The following NEU4 variants were observed in gnomAD, a reference collection of about 807,000 sequenced individuals.
NEU4 encodes the protein sialidase-4.
Under a neutral mutation model 9.9 loss-of-function variants are expected in NEU4, and 7 were observed. That is an observed-to-expected ratio of 0.71 (90% CI 0.40 to 1.33). NEU4 has a LOEUF of 1.33. Among genes scored for constraint, NEU4 ranks in the 40% most tolerant of loss-of-function variants. NEU4 has a pLI of 0.01. For synonymous variants in NEU4, 348 were observed against 316.9 expected, an observed-to-expected ratio of 1.10 and a Z score of -1.04; for missense variants, 717 against 712.6, an observed-to-expected ratio of 1.01 and a Z score of -0.07.
At chr2:241,813,068 G>A (rs1366525454) in intron 1 of NEU4, among the ~76,000 whole-genome samples, 2 of 152,200 alleles carry the variant, frequency 1.3e-5, no homozygotes, top group Non-Finnish European at 1.5e-5. Context: ...GGAAGGGGCC[G>A]GCCAGCTGTC....
chr2:241,815,709 G>A (rs1467520930), intron 3 of NEU4: 7 of 528,496 alleles, frequency 1.3e-5, no homozygotes, highest in African/African-American at 7.6e-5. Flanking sequence ...ACCCCGGCCC[G>A]TGGGAGCTAC....
chr2:241,811,130 C>A (rs147823091), intron 1 of NEU4: 1 of 1,212,614 alleles, frequency 8.2e-7, no homozygotes, highest in Non-Finnish European at 1.0e-6. Flanking sequence ...AGGTCAACTG[C>A]GGCCTCACAG....
At position 241,814,675 on chromosome 2, in the gene NEU4, G is replaced by A. The variant is rs555920943; in HGVS notation, c.191G>A (p.Gly64Asp). ...CTGAGGAGGGGCACGCTGGCCGGGG[G>A]CTCCGTGCGGGTGAGTGAGTGGCCG... is the stretch of plus-strand genomic sequence containing the variant. ...LVLRRGTLAG[G>D]SVRWGALHVL... The change falls in exon 2 of 4, where the codon GGC (glycine) becomes GAC (aspartate). Residue 64 changes from glycine to aspartate, a missense_variant. Gly to Asp is a moderately conservative substitution (Grantham distance 94). Transcript: ENST00000407683. 7.1e-6 allele frequency: 11 copies of A among 1,552,626 alleles called. No homozygotes were observed. Among genetic ancestry groups the A allele is most frequent in the African/African-American group, 1.4e-5 (1 of 73,588 alleles).
chr2:241,812,290 T>C (rs1003063548), intron 1 of NEU4, among the ~76,000 whole-genome samples: 6 of 151,866 alleles, frequency 4.0e-5, no homozygotes, highest in Non-Finnish European at 8.8e-5. Context: ...GAAGGCCAGG[T>C]TCTCCTGGAG....
chr2:241,816,842 A>G lies in NEU4; in HGVS notation c.1249A>G (p.Ser417Gly). 1.2e-6 allele frequency: 2 copies of G among 1,611,130 alleles called. No homozygotes were observed. Among genetic ancestry groups the G allele is most frequent in the South Asian group, 1.1e-5 (1 of 90,842 alleles). The change falls in exon 4 of 4, where the codon AGC becomes GGC. Residue 417 changes from serine to glycine, a missense_variant. By Grantham distance (56) the Ser-to-Gly change is moderately conservative (BLOSUM62 0). Coordinates refer to ENST00000407683, the MANE Select transcript of NEU4 (RefSeq NM_001167600.3). Reference sequence around the variant, plus strand: ...GCCCTGGGTGATCTACGAGGGCCCCAGCGGCTACTCCGACCTGGCGTCCAT... The same window carrying G: ...GCCCTGGGTGATCTACGAGGGCCCCGGCGGCTACTCCGACCTGGCGTCCAT... Reference protein sequence around the residue: ...TEPWVIYEGPSGYSDLASIGP... With the variant: ...TEPWVIYEGPGGYSDLASIGP...
In NEU4 at chr2:241,809,239, TGTCTCTGCCTTTGAG is replaced by T. The variant is rs1227162736; in HGVS notation, c.-36_-22del. On this transcript the variant is annotated 5_prime_UTR_variant, in exon 1 of 4. Transcript: ENST00000407683. ...TTACAGGAGGGGCACACCGTCCTTT[TGTCTCTGCCTTTGAG>T]GTTGGCGGGAACTGAAACTGGTACG... The T allele has an allele frequency of 5.4e-6, 7 of 1,289,000 alleles. No homozygotes were observed. Among genetic ancestry groups the T allele is most frequent in the African/African-American group, 1.5e-5 (1 of 65,874 alleles). 79.8% of individuals were successfully genotyped at this position (1,289,000 alleles called of 1,614,324 possible).
rs1441140722 is a variant in NEU4 at position 241,814,476 on chromosome 2, C to G, written c.-3-6C>G. 1.2e-6 allele frequency: 2 copies of G among 1,610,258 alleles called. No homozygotes were observed. The highest frequency in any genetic ancestry group is 1.7e-6 in the Non-Finnish European group (2 of 1,178,132). ...TGCTGACCTGTGGCCCTGTACTGACCAGCAGAGCATGGGGGTCCCTCGTAC... is the reference window on the plus strand; with the variant it reads ...TGCTGACCTGTGGCCCTGTACTGACGAGCAGAGCATGGGGGTCCCTCGTAC... On this transcript the variant is annotated splice_polypyrimidine_tract_variant and splice_region_variant and intron_variant, in intron 1 of 3. Transcript: ENST00000407683.
Position 241,812,487 on chromosome 2 carries a change from C to CCAGGGAACTGGTCACACT in NEU4, c.-3-1995_-3-1994insCAGGGAACTGGTCACACT, listed in dbSNP as rs1192178870. Among the ~76,000 whole-genome samples, 54 of 114,118 alleles carry CCAGGGAACTGGTCACACT rather than the reference C, an allele frequency of 4.7e-4. 1 individual carries two copies. The highest frequency in any genetic ancestry group is 1.2e-3 in the African/African-American group (35 of 28,312). The allele number at this position is 114,118 out of a possible 152,430, so 74.9% of individuals were successfully genotyped here. Reference sequence around the variant, plus strand: ...TGGCCTCCGAGACAGAGGGGCCTGCCGAGGACACGGAGGCTCTGTGGAACC... The same window carrying CCAGGGAACTGGTCACACT: ...TGGCCTCCGAGACAGAGGGGCCTGCCCAGGGAACTGGTCACACTGAGGACACGGAGGCTCTGTGGAACC... On this transcript the variant is annotated intron_variant, in intron 1 of 3. Transcript: ENST00000407683.
At chr2:241,816,021 C>A (rs745625854) in intron 3 of NEU4, 30 bp from the exon 4 acceptor site, 2 of 1,552,068 alleles carry the variant, frequency 1.3e-6, no homozygotes, top group South Asian at 1.2e-5. Flanking sequence ...GACCCAGCAG[C>A]CCCTCCCACC....
At chr2:241,811,855 CAGGTGA>C (rs377509181) in intron 1 of NEU4, 72 of 208,858 alleles carry the variant, frequency 3.4e-4, no homozygotes, top group African/African-American at 1.5e-3. Context: ...GACGCTCTAC[CAGGTGA>C]AGGGTCTGTG....
chr2:241,814,791 TAG>T, intron 2 of NEU4, 99 bp from the exon 3 acceptor site: 2 of 1,531,298 alleles, frequency 1.3e-6, no homozygotes, highest in South Asian at 2.5e-5. Context: ...ATGCCCGAGG[TAG>T]AGATGAGCAA....
rs1295815053 is a variant in NEU4 at position 241,816,232 on chromosome 2, C to T, written c.639C>T (p.Gly213=). Residue 213 remains glycine, a synonymous_variant, in exon 4 of 4, where the codon GGC becomes GGT. Coordinates refer to ENST00000407683, the MANE Select transcript of NEU4 (RefSeq NM_001167600.3). ...DDHGRTWRCG[G]LVPNLRSGEC... Reference sequence around the variant, plus strand: ...ACGGCCGCACCTGGCGCTGTGGAGGCCTCGTGCCCAACCTGCGCTCAGGCG... The same window carrying T: ...ACGGCCGCACCTGGCGCTGTGGAGGTCTCGTGCCCAACCTGCGCTCAGGCG... 6.2e-7 allele frequency: 1 copy of T among 1,611,684 alleles called. No individual in the cohort carries two copies. The highest frequency in any genetic ancestry group is 8.5e-7 in the Non-Finnish European group (1 of 1,179,530).
In NEU4 at chr2:241,811,854, C is replaced by G. The variant is rs111708421; in HGVS notation, c.-4+2580C>G. 1,959 of 209,504 alleles carry G rather than the reference C, an allele frequency of 9.4e-3. 45 individuals carry two copies. Among genetic ancestry groups the G allele is most frequent in the African/African-American group, 0.042 (1,841 of 43,820 alleles). The allele number at this position is 209,504 out of a possible 1,614,324, so 13.0% of individuals were successfully genotyped here. ...AGATGGGCTGGTCGGGGACGCTCTA[C>G]CAGGTGAAGGGTCTGTGGTCGGAGT... On this transcript the variant is annotated intron_variant, in intron 1 of 3. Coordinates refer to ENST00000407683, the MANE Select transcript of NEU4 (RefSeq NM_001167600.3).
At chr2:241,810,087 G>A (rs950660280) in intron 1 of NEU4, among the ~76,000 whole-genome samples, 1 of 152,186 alleles carries the variant, frequency 6.6e-6, no homozygotes, top group African/African-American at 2.4e-5. Flanking sequence ...TGGGGAGGTT[G>A]TCCCTTCCCA....
At chr2:241,811,373 T>C (rs1700110032) in intron 1 of NEU4, 2 of 1,479,732 alleles carry the variant, frequency 1.4e-6, no homozygotes, top group South Asian at 1.3e-5. Context: ...CTCCCTGGCC[T>C]GCTGCCCGCA....
rs369830044 is a variant in NEU4, at chr2:241,816,212, C to T, written c.619C>T (p.Arg207Cys). 50 of 1,612,160 alleles carry T rather than the reference C, an allele frequency of 3.1e-5. No homozygotes were observed. Among genetic ancestry groups the T allele is most frequent in the African/African-American group, 5.3e-5 (4 of 74,920 alleles). The change falls in exon 4 of 4, where the codon CGC becomes TGC. Residue 207 changes from arginine to cysteine, a missense_variant. By Grantham distance (180) the Arg-to-Cys change is radical. Coordinates refer to ENST00000407683, the MANE Select transcript of NEU4 (RefSeq NM_001167600.3). ...SFAFYSDDHG[R>C]TWRCGGLVPN... ...CGCCTTCTACAGCGATGACCACGGC[C>T]GCACCTGGCGCTGTGGAGGCCTCGT...
intron 1 of NEU4, chr2:241,813,970 C>CCCGATGACGTTCAGGAAGTGGGAGCGG (rs1700209600): frequency 6.6e-6 from 2 of 305,242 alleles, no homozygotes; most frequent in East Asian, 2.5e-4. Context: ...CCGTGGCTCC[C>CCCGATGACGTTCAGGAAGTGGGAGCGG]ACAGGTCCCT....
chr2:241,816,637 C>A lies in NEU4; in HGVS notation c.1044C>A (p.Gly348=). The A allele has an allele frequency of 1.3e-6, 2 of 1,551,154 alleles. No homozygotes were observed. The highest frequency in any genetic ancestry group is 1.7e-6 in the Non-Finnish European group (2 of 1,152,746). The part of the protein sequence containing the change: ...QPRGDGPRQP[G]PRPGVSGDVG... ...GGGGGGATGGCCCCAGGCAGCCTGG[C>A]CCCAGGCCTGGGGTCAGTGGGGATG... The change falls in exon 4 of 4, where the codon GGC becomes GGA. Residue 348 remains glycine (G), a synonymous_variant. Transcript: ENST00000407683.
chr2:241,815,153 C>G lies in NEU4; in HGVS notation c.457+6C>G. The G allele has an allele frequency of 6.5e-7, 1 of 1,536,826 alleles. No individual in the cohort carries two copies. Among genetic ancestry groups the G allele is most frequent in the Non-Finnish European group, 8.7e-7 (1 of 1,143,386 alleles). On this transcript the variant is annotated splice_donor_region_variant and intron_variant, in intron 3 of 3. Coordinates refer to ENST00000407683, the MANE Select transcript of NEU4 (RefSeq NM_001167600.3). ...CATCGGTGGTGCCGTGCAGGGTAGG[C>G]GGGCAGGGTGCCGGTCTGGGTCCCT... is the stretch of plus-strand genomic sequence containing the variant.
Sources: gnomAD v4.1 joint callset for allele counts (sites outside exome capture counted in the v4.1 genomes callset) on GRCh38, gnomAD v4.1.1 for gene constraint, MANE v1.5 for transcripts, NCBI Gene and HGNC (gene_info 2026-07-23, HGNC 2026-07-21) for gene names.